LYG1: variants seen among roughly 807,000 people sequenced by gnomAD.
The protein encoded by LYG1 is lysozyme g-like protein 1.
In LYG1, 17 loss-of-function variants were observed where a neutral mutation model predicts 21.7. The observed-to-expected ratio is 0.78, with a 90% CI of 0.54 to 1.18. LYG1 has a LOEUF of 1.18. LYG1 is among the 50% of genes most tolerant of loss of function. The probability of loss-of-function intolerance (pLI) is 0.00; values close to 1 mark genes in which losing one functional copy is unlikely to be tolerated. For missense variants in LYG1, 211 were observed against 238.1 expected (o/e 0.89, Z 0.75); for synonymous variants, 81 against 87.4 (o/e 0.93, Z 0.41).
chr2:99,288,520 A>G (rs577307372), intron 5 of LYG1, among the ~76,000 whole-genome samples: 1 of 151,588 alleles, frequency 6.6e-6, no homozygotes, highest in South Asian at 2.1e-4. Flanking sequence ...TGTTATTTCA[A>G]TGTGTCTCTC....
chr2:99,289,098 T>C (rs370265989), intron 5 of LYG1, among the ~76,000 whole-genome samples: 1 of 152,138 alleles, frequency 6.6e-6, no homozygotes, highest in Non-Finnish European at 1.5e-5. Flanking sequence ...AGAATTCTCA[T>C]GTAAACAAGA....
Position 99,284,787 on chromosome 2 carries a change from T to TA in LYG1, c.366dup (p.Ser123Ter). 6.2e-7 allele frequency: 1 copy of TA among 1,613,472 alleles called. No individual in the cohort carries two copies. The highest frequency in any genetic ancestry group is 8.5e-7 in the Non-Finnish European group (1 of 1,179,964). The stretch of plus-strand genomic sequence containing the variant: ...GTTGTCTGGGAAACCTGAGACTCAC[T>TA]AATCCAGGATGTGGGAGCTTGAGAG... On this transcript the variant is annotated frameshift_variant, in exon 6 of 7. Transcript: ENST00000308528. LOFTEE classifies it high-confidence loss of function.
chr2:99,284,722 C>T lies in LYG1; in HGVS notation c.432G>A (p.Arg144=). Residue 144 remains arginine, a synonymous_variant, in exon 6 of 7, where the codon AGG becomes AGA. Coordinates refer to ENST00000308528, the MANE Select transcript of LYG1 (RefSeq NM_174898.3). ...LTTRIKEIQR[R]FPTWTPDQYL... ...ACTGGTCAGGGGTCCAGGTTGGAAA[C>T]CTCCTCTGGATTTCTTTGATTCTAG... is the stretch of plus-strand genomic sequence containing the variant. 1 of 1,614,154 alleles carries T rather than the reference C, an allele frequency of 6.2e-7. No homozygotes were observed. The highest frequency in any genetic ancestry group is 8.5e-7 in the Non-Finnish European group (1 of 1,180,018).
chr2:99,284,493 C>T lies in LYG1; in HGVS notation c.485G>A (p.Ser162Asn), dbSNP rs781033742. The part of the protein sequence containing the change: ...QYLRGGLCAY[S>N]GGAGYVRSSQ... ...GCTTCGGACATAGCCAGCACCCCCACTGTAGGCACAGAGTCCACCTGAAAT... is the reference window on the plus strand; with the variant it reads ...GCTTCGGACATAGCCAGCACCCCCATTGTAGGCACAGAGTCCACCTGAAAT... The change falls in exon 7 of 7, where the codon AGT becomes AAT. Residue 162 changes from serine to asparagine, a missense_variant. Ser to Asn is a conservative substitution (Grantham distance 46). Transcript: ENST00000308528. The T allele has an allele frequency of 3.7e-6, 6 of 1,614,202 alleles. No individual in the cohort carries two copies. The highest frequency in any genetic ancestry group is 1.3e-5 in the African/African-American group (1 of 75,054).
At chr2:99,299,056 T>A (rs1250679113) in intron 1 of LYG1, among the ~76,000 whole-genome samples, 1 of 151,828 alleles carries the variant, frequency 6.6e-6, no homozygotes, top group African/African-American at 2.4e-5. Flanking sequence ...CTCAGCCTCC[T>A]GAGTAGCTGA....
Position 99,293,811 on chromosome 2 carries a change from T to C in LYG1, c.44-1171A>G, listed in dbSNP as rs116693464. On this transcript the variant is annotated intron_variant, in intron 3 of 6. Coordinates refer to ENST00000308528, the MANE Select transcript of LYG1 (RefSeq NM_174898.3). ...CAATTCACACCAGAATGGGGACACA[T>C]GAGTCAGTACTAAGATACCTACAGT... Among the ~76,000 whole-genome samples the C allele has an allele frequency of 2.9e-3, 441 of 152,268 alleles. 2 individuals carry two copies. Among genetic ancestry groups the C allele is most frequent in the African/African-American group, 1.0e-2 (414 of 41,542 alleles).
chr2:99,290,953 T>A (rs903173875), intron 5 of LYG1, among the ~76,000 whole-genome samples: 2 of 152,176 alleles, frequency 1.3e-5, no homozygotes, highest in Non-Finnish European at 2.9e-5. Flanking sequence ...TGAGGAAAGA[T>A]TTAATCTGTG....
upstream of LYG1, among the ~76,000 whole-genome samples, chr2:99,304,339 C>T (rs1415639461): frequency 1.3e-5 from 2 of 152,186 alleles, no homozygotes; most frequent in South Asian, 2.1e-4. Context: ...CTTCTCTTGT[C>T]TGCTGCCATG....
At chr2:99,299,272 TTTTC>T (rs1305382047) in intron 1 of LYG1, among the ~76,000 whole-genome samples, 7 of 150,016 alleles carry the variant, frequency 4.7e-5, no homozygotes, top group African/African-American at 1.7e-4. Context: ...TTCTTTTTCT[TTTTC>T]TTTTTTTCTT....
intron 1 of LYG1, among the ~76,000 whole-genome samples, chr2:99,300,832 T>C (rs1460495698): frequency 3.1e-5 from 4 of 130,256 alleles, no homozygotes; most frequent in Non-Finnish European, 6.4e-5. Context: ...TTAAAAGATA[T>C]CTAAATTTTG....
At chr2:99,285,676 T>C (rs1345543756) in intron 5 of LYG1, among the ~76,000 whole-genome samples, 3 of 152,226 alleles carry the variant, frequency 2.0e-5, no homozygotes, top group Non-Finnish European at 4.4e-5. Flanking sequence ...TGAAGGGATT[T>C]TCCCAATGTC....
At position 99,292,552 on chromosome 2, in the gene LYG1, G is replaced by A. The variant is rs372059669; in HGVS notation, c.132C>T (p.His44=). 35 of 1,613,572 alleles carry A rather than the reference G, an allele frequency of 2.2e-5. No individual in the cohort carries two copies. The highest frequency in any genetic ancestry group is 8.0e-5 in the African/African-American group (6 of 74,906). Residue 44 remains histidine (H), a synonymous_variant, in exon 4 of 7, where the codon CAC becomes CAT. Coordinates refer to ENST00000308528, the MANE Select transcript of LYG1 (RefSeq NM_174898.3). ...CATAGCTACCACAGTAGTTCAGGCC[G>A]TGACGTCTTCCAATCCCACAAGATG... The part of the protein sequence containing the change: ...PGASCGIGRR[H]GLNYCGVRAS...
At position 99,284,394 on chromosome 2, in the gene LYG1, T is replaced by C. The variant is rs1450735103; in HGVS notation, c.584A>G (p.Ter195=). The C allele has an allele frequency of 9.3e-6, 15 of 1,613,642 alleles. No individual in the cohort carries two copies. Among genetic ancestry groups the C allele is most frequent in the African/African-American group, 1.3e-5 (1 of 74,918 alleles). The change falls in exon 7 of 7, where the codon TAA becomes TGA. Residue 195 remains the stop codon, a stop_retained_variant. Transcript: ENST00000308528. The part of the protein sequence containing the change: ...RAKYLKRHGF[*] ...TGGTCTTGGGTTTCATCTGAGATGT[T>C]AGAAGCCATGTCTCTTGAGGTACTT...
In LYG1 at chr2:99,291,335, A is replaced by T; in HGVS notation, c.235T>A (p.Tyr79Asn). Reference protein sequence around the residue: ...QPMMQTIGQKYCMDPAVIAGV... With the variant: ...QPMMQTIGQKNCMDPAVIAGV... ...GCGATCACGGCAGGATCCATGCAGT[A>T]CTTTTGGCCAATGGTTTGCATCATG... The change falls in exon 5 of 7, where the codon TAC (tyrosine) becomes AAC (asparagine). Residue 79 changes from tyrosine to asparagine, a missense_variant. Physicochemically the swap from Tyr to Asn is moderately radical, Grantham distance 143 (BLOSUM62 -2). Coordinates refer to ENST00000308528, the MANE Select transcript of LYG1 (RefSeq NM_174898.3). 1 of 1,614,130 alleles carries T rather than the reference A, an allele frequency of 6.2e-7. No homozygotes were observed.
chr2:99,302,159 T>C (rs575416800), upstream of LYG1, among the ~76,000 whole-genome samples: 2 of 152,248 alleles, frequency 1.3e-5, no homozygotes, highest in South Asian at 2.1e-4. Flanking sequence ...AATACCAGCA[T>C]GCAACACTCT....
chr2:99,301,711 G>A, upstream of LYG1, among the ~76,000 whole-genome samples: 1 of 127,220 alleles, frequency 7.9e-6, no homozygotes, highest in East Asian at 3.3e-4. Context: ...GGCCAAGACT[G>A]TGTTCCAAAA....
At chr2:99,297,474 A>C (rs2094140252) in intron 2 of LYG1, among the ~76,000 whole-genome samples, 2 of 152,204 alleles carry the variant, frequency 1.3e-5, no homozygotes, top group African/African-American at 4.8e-5. Flanking sequence ...GAAAGAAAAA[A>C]TACTTCCTCT....
intron 4 of LYG1, 53 bp downstream of exon 4, chr2:99,292,482 TG>T (rs1466001782): frequency 2.3e-6 from 3 of 1,325,630 alleles, no homozygotes; most frequent in Non-Finnish European, 3.3e-6. Flanking sequence ...GCGTGAGGCA[TG>T]GGAAACAGTG....
At chr2:99,303,683 G>A (rs1432011587), upstream of LYG1, among the ~76,000 whole-genome samples, 1 of 152,244 alleles carries the variant, frequency 6.6e-6, no homozygotes, top group Non-Finnish European at 1.5e-5. Flanking sequence ...CCAGAAGAGA[G>A]ATGATGGTTG....
Sources: gnomAD v4.1 joint callset for allele counts (sites outside exome capture counted in the v4.1 genomes callset) on GRCh38, gnomAD v4.1.1 for gene constraint, MANE v1.5 for transcripts, NCBI Gene and HGNC (gene_info 2026-07-23, HGNC 2026-07-21) for gene names.